Variants in GRM7 observed in about 807,000 individuals in gnomAD.
GRM7 encodes the protein glutamate metabotropic receptor 7, also known as metabotropic glutamate receptor 7.
GRM7 carries 35 observed loss-of-function variants against 84.5 expected under a neutral mutation model. The observed-to-expected ratio is 0.41, with a 90% CI of 0.32 to 0.55. The LOEUF (loss-of-function observed/expected upper bound fraction) is 0.55. GRM7 is among the 20% of genes least tolerant of loss of function. GRM7 has a pLI of 0.19. For missense variants in GRM7, 1,003 were observed against 1,194.6 expected (o/e 0.84, Z 2.36); for synonymous variants, 487 against 455.1 (o/e 1.07, Z -0.89).
At chr3:7,324,869 C>G (rs930933569) in intron 4 of GRM7, among the ~76,000 whole-genome samples, 2 of 152,130 alleles carry the variant, frequency 1.3e-5, no homozygotes, top group African/African-American at 4.8e-5. Flanking sequence ...CCTCTTCTAA[C>G]CTTGGCCCAG....
At chr3:7,099,047 A>G (rs1415953474) in intron 1 of GRM7, among the ~76,000 whole-genome samples, 1 of 151,730 alleles carries the variant, frequency 6.6e-6, no homozygotes, top group Admixed American at 6.6e-5. Context: ...CTTAAAGCCA[A>G]GACCTATATC....
intron 8 of GRM7, among the ~76,000 whole-genome samples, chr3:7,664,508 T>G (rs1699598925): frequency 6.6e-6 from 1 of 152,194 alleles, no homozygotes; most frequent in Admixed American, 6.5e-5. Context: ...AATTGCCAAA[T>G]GTCTTCTACT....
intron 1 of GRM7, among the ~76,000 whole-genome samples, chr3:7,026,640 C>T (rs1239895107): frequency 6.6e-6 from 1 of 152,198 alleles, no homozygotes; most frequent in South Asian, 2.1e-4. Context: ...TATGCAAATG[C>T]ATGCCCAGAA....
At chr3:7,543,277 G>A (rs1188542514) in intron 7 of GRM7, among the ~76,000 whole-genome samples, 1 of 152,196 alleles carries the variant, frequency 6.6e-6, no homozygotes, top group East Asian at 1.9e-4. Context: ...GTCAAACAGG[G>A]TTCATCACAG....
chr3:7,000,873 C>G (rs1694989843), intron 1 of GRM7, among the ~76,000 whole-genome samples: 1 of 152,124 alleles, frequency 6.6e-6, no homozygotes. Flanking sequence ...AGGATAGAGC[C>G]AGACAATGGG....
chr3:6,976,687 A>T (rs1694011089), intron 1 of GRM7, among the ~76,000 whole-genome samples: 1 of 152,172 alleles, frequency 6.6e-6, no homozygotes, highest in Admixed American at 6.5e-5. Flanking sequence ...AACTGAAAAA[A>T]AAATGGGGTC....
chr3:7,341,887 G>A (rs748261908), intron 4 of GRM7, among the ~76,000 whole-genome samples: 21 of 152,174 alleles, frequency 1.4e-4, no homozygotes, highest in Middle Eastern at 3.4e-3. Context: ...TTCAGAACCT[G>A]GGGTCTAAAC....
chr3:7,677,388 T>A (rs1400626465), intron 8 of GRM7, among the ~76,000 whole-genome samples: 3 of 151,066 alleles, frequency 2.0e-5, no homozygotes, highest in Non-Finnish European at 4.4e-5. Flanking sequence ...CATTATGAGG[T>A]AGGTACTATT....
chr3:7,348,141 G>T (rs188746234), intron 4 of GRM7, among the ~76,000 whole-genome samples: 2 of 152,010 alleles, frequency 1.3e-5, no homozygotes, highest in Non-Finnish European at 2.9e-5. Flanking sequence ...GACTTTTATC[G>T]GCCTAGGTCA....
intron 2 of GRM7, among the ~76,000 whole-genome samples, chr3:7,239,385 C>G (rs1384380962): frequency 3.3e-5 from 5 of 152,128 alleles, no homozygotes; most frequent in African/African-American, 1.2e-4. Flanking sequence ...CTGGCCTTAT[C>G]AGTCACTATC....
At chr3:7,213,865 G>A (rs765552977) in intron 2 of GRM7, among the ~76,000 whole-genome samples, 1 of 152,152 alleles carries the variant, frequency 6.6e-6, no homozygotes, top group Non-Finnish European at 1.5e-5. Context: ...CCTTGGTGCT[G>A]AAGGGGATCT....
intron 7 of GRM7, among the ~76,000 whole-genome samples, chr3:7,565,975 A>G (rs371468423): frequency 1.3e-5 from 2 of 152,142 alleles, no homozygotes; most frequent in Admixed American, 6.6e-5. Context: ...AGTTGTTGGT[A>G]ATTTAAATAT....
intron 1 of GRM7, among the ~76,000 whole-genome samples, chr3:7,131,035 G>A (rs970527414): frequency 1.3e-5 from 2 of 152,164 alleles, no homozygotes; most frequent in East Asian, 1.9e-4. Flanking sequence ...TGAATTTAAC[G>A]CTAAGACTTT....
chr3:7,726,304 G>A (rs1702124162), intron 9 of GRM7, among the ~76,000 whole-genome samples: 1 of 151,842 alleles, frequency 6.6e-6, no homozygotes, highest in Non-Finnish European at 1.5e-5. Context: ...GAAGAAAAGG[G>A]ATGTGGCTAC....
chr3:7,321,769 A>C (rs9860014), intron 4 of GRM7, among the ~76,000 whole-genome samples: 1 of 152,084 alleles, frequency 6.6e-6, no homozygotes, highest in African/African-American at 2.4e-5. Flanking sequence ...AAAGTTTTAC[A>C]GAATTTATTC....
At chr3:7,735,184 G>C (rs1702463473) in intron 9 of GRM7, among the ~76,000 whole-genome samples, 1 of 152,134 alleles carries the variant, frequency 6.6e-6, no homozygotes, top group Non-Finnish European at 1.5e-5. Flanking sequence ...GAGTTGGTGG[G>C]GGAAGAGGCA....
rs901538900 is a variant in GRM7 at position 6,902,369 on chromosome 3, G to T, written c.519+40462G>T. On this transcript the variant is annotated intron_variant, in intron 1 of 9. Transcript: ENST00000357716. The stretch of plus-strand genomic sequence containing the variant: ...AATTTTAGGCAACCACAATGTCTGG[G>T]TTAAACCTTTTTATCATTTGGAGAA... 2.5e-4 allele frequency among the ~76,000 whole-genome samples: 38 copies of T among 152,112 alleles called. 1 individual carries two copies.
At chr3:7,315,289 T>G (rs1010816156) in intron 4 of GRM7, among the ~76,000 whole-genome samples, 2 of 152,200 alleles carry the variant, frequency 1.3e-5, no homozygotes, top group Non-Finnish European at 2.9e-5. Flanking sequence ...CTTTTCTGAG[T>G]GTACACCCTG....
At chr3:7,340,195 C>T (rs190633003) in intron 4 of GRM7, among the ~76,000 whole-genome samples, 28 of 152,070 alleles carry the variant, frequency 1.8e-4, no homozygotes, top group East Asian at 5.8e-4. Flanking sequence ...TTATGGTGTC[C>T]GGGGTCAGTG....
Sources: gnomAD v4.1 joint callset for allele counts (sites outside exome capture counted in the v4.1 genomes callset) on GRCh38, gnomAD v4.1.1 for gene constraint, MANE v1.5 for transcripts, NCBI Gene and HGNC (gene_info 2026-07-23, HGNC 2026-07-21) for gene names.